Variants in ADAD1 observed in about 807,000 individuals in gnomAD.
The protein encoded by ADAD1 is adenosine deaminase domain-containing protein 1.
ADAD1 carries 46 observed loss-of-function variants against 66.8 expected under a neutral mutation model. That is an observed-to-expected ratio of 0.69 (90% CI 0.54 to 0.88). The LOEUF (loss-of-function observed/expected upper bound fraction) is 0.88. ADAD1 is among the 40% of genes least tolerant of loss of function. The probability of loss-of-function intolerance (pLI) is 0.00; values close to 1 mark genes in which losing one functional copy is unlikely to be tolerated. For missense variants in ADAD1, 617 were observed against 681.8 expected (o/e 0.91, Z 1.06); for synonymous variants, 248 against 229.4 (o/e 1.08, Z -0.73).
intron 5 of ADAD1, among the ~76,000 whole-genome samples, chr4:122,384,310 C>T (rs187637861): frequency 1.2e-3 from 189 of 152,144 alleles, no homozygotes; most frequent in African/African-American, 4.3e-3. Flanking sequence ...TTAAATGCAG[C>T]GTTTGTGAAG....
chr4:122,410,247 C>T (rs1796408945), intron 8 of ADAD1, among the ~76,000 whole-genome samples: 1 of 152,114 alleles, frequency 6.6e-6, no homozygotes. Flanking sequence ...TTGCCCTCCA[C>T]CCCTCTTGGT....
chr4:122,423,007 G>A (rs963669081), intron 12 of ADAD1, among the ~76,000 whole-genome samples: 1 of 148,670 alleles, frequency 6.7e-6, no homozygotes, highest in African/African-American at 2.5e-5. Flanking sequence ...AGGAAAAACT[G>A]CTATTACTTT....
At chr4:122,396,027 A>G (rs1795694083) in intron 6 of ADAD1, among the ~76,000 whole-genome samples, 2 of 152,224 alleles carry the variant, frequency 1.3e-5, no homozygotes, top group African/African-American at 4.8e-5. Context: ...GTCTGCTAGT[A>G]TGTAATACTG....
At chr4:122,401,737 A>G (rs572487830) in intron 7 of ADAD1, among the ~76,000 whole-genome samples, 2 of 152,224 alleles carry the variant, frequency 1.3e-5, no homozygotes, top group African/African-American at 4.8e-5. Flanking sequence ...TCCTTTTATC[A>G]TTATATGATG....
chr4:122,415,038 T>C (rs1796663279), intron 10 of ADAD1, among the ~76,000 whole-genome samples: 1 of 152,136 alleles, frequency 6.6e-6, no homozygotes. Context: ...GAAATCAGCA[T>C]ACAATGCGGT....
chr4:122,405,889 T>C (rs938850546), intron 7 of ADAD1, among the ~76,000 whole-genome samples: 1 of 152,180 alleles, frequency 6.6e-6, no homozygotes, highest in Admixed American at 6.5e-5. Context: ...GGTTCATTCA[T>C]ATTGTTGAAA....
At chr4:122,386,510 C>A (rs911702772) in intron 5 of ADAD1, among the ~76,000 whole-genome samples, 10 of 152,016 alleles carry the variant, frequency 6.6e-5, no homozygotes, top group Admixed American at 5.9e-4. Flanking sequence ...ATCACAGTTT[C>A]TTTTGCTGTG....
intron 4 of ADAD1, among the ~76,000 whole-genome samples, chr4:122,383,050 C>G (rs568287385): frequency 1.3e-5 from 2 of 152,240 alleles, no homozygotes; most frequent in African/African-American, 2.4e-5. Context: ...AGTCTAAATA[C>G]TAACAAGCAA....
At chr4:122,417,797 A>C (rs143765983) in intron 11 of ADAD1, among the ~76,000 whole-genome samples, 17 of 152,340 alleles carry the variant, frequency 1.1e-4, no homozygotes, top group Non-Finnish European at 1.6e-4. Context: ...AGTAGAAGCA[A>C]TGTAGACATA....
intron 4 of ADAD1, among the ~76,000 whole-genome samples, chr4:122,381,458 T>C (rs2150525702): frequency 6.6e-6 from 1 of 152,322 alleles, no homozygotes; most frequent in African/African-American, 2.4e-5. Flanking sequence ...TGTAATTACT[T>C]CCTGTATCAT....
chr4:122,419,475 C>G (rs112313086), intron 11 of ADAD1, among the ~76,000 whole-genome samples: 11 of 152,096 alleles, frequency 7.2e-5, no homozygotes, highest in Admixed American at 5.9e-4. Context: ...CAACAAACCC[C>G]CATGACACAC....
chr4:122,386,830 A>G (rs1795196931), intron 5 of ADAD1, among the ~76,000 whole-genome samples: 1 of 152,172 alleles, frequency 6.6e-6, no homozygotes, highest in African/African-American at 2.4e-5. Context: ...CAGTTTGTTG[A>G]AGATCAGATG....
rs1796474568 is a variant in ADAD1 at position 122,411,724 on chromosome 4, A to G, written c.1019+332A>G. 3.3e-5 allele frequency among the ~76,000 whole-genome samples: 5 copies of G among 152,186 alleles called. No individual in the cohort carries two copies. In the South Asian group the frequency reaches 8.3e-4, roughly 25 times the overall value. On this transcript the variant is annotated intron_variant, in intron 9 of 12. Coordinates refer to ENST00000296513, the MANE Select transcript of ADAD1 (RefSeq NM_139243.4). ...ATTTTTGGATTTGTGTTCAACTGGT[A>G]TGTATAAAGCAAATATTCCAGTGTG...
chr4:122,421,178 A>G, intron 11 of ADAD1, 83 bp from the exon 12 acceptor site: 2 of 1,070,702 alleles, frequency 1.9e-6, no homozygotes, highest in Non-Finnish European at 2.5e-6. Flanking sequence ...TATTTTGTAG[A>G]TCCATATTGA....
chr4:122,388,862 T>C (rs1201707990), intron 5 of ADAD1, among the ~76,000 whole-genome samples: 1 of 152,184 alleles, frequency 6.6e-6, no homozygotes, highest in Non-Finnish European at 1.5e-5. Flanking sequence ...CATGTCTCTG[T>C]CTCCTTCAGT....
At chr4:122,426,858 G>T (rs1314783909) in intron 12 of ADAD1, among the ~76,000 whole-genome samples, 1 of 152,184 alleles carries the variant, frequency 6.6e-6, no homozygotes, top group Admixed American at 6.5e-5. Flanking sequence ...CATCAATGAA[G>T]AGCCTACCAT....
rs567502029 is a variant in ADAD1, at chr4:122,412,725, T to C, written c.1165T>C (p.Leu389=). ...RISSMSSSDK[L]TRWEVLGVQG... ...AAGCAGTATGTCCTCAAGTGACAAA[T>C]TGACCAGATGGGAAGTGCTTGGTGT... The change falls in exon 10 of 13, where the codon TTG becomes CTG. Residue 389 remains leucine (L), a synonymous_variant. Transcript: ENST00000296513. The C allele has an allele frequency of 1.9e-6, 3 of 1,613,836 alleles. No homozygotes were observed. Among genetic ancestry groups the C allele is most frequent in the South Asian group, 2.2e-5 (2 of 91,082 alleles).
chr4:122,387,429 AG>A lies in ADAD1; in HGVS notation c.529+3464del, dbSNP rs143918843. ...GCTGAAGTTGCTTATCAATTCAGGA[AG>A]TTTTGGGGCTGAAAAGATGGGGTTT... On this transcript the variant is annotated intron_variant, in intron 5 of 12. Coordinates refer to ENST00000296513, the MANE Select transcript of ADAD1 (RefSeq NM_139243.4). Among the ~76,000 whole-genome samples, 1,065 of 152,258 alleles carry A rather than the reference AG, an allele frequency of 7.0e-3. 8 individuals are homozygous for A. Among genetic ancestry groups the A allele is most frequent in the African/African-American group, 0.024 (1,011 of 41,558 alleles).
intron 7 of ADAD1, among the ~76,000 whole-genome samples, chr4:122,402,323 C>G (rs539283813): frequency 6.6e-6 from 1 of 152,216 alleles, no homozygotes; most frequent in East Asian, 1.9e-4. Flanking sequence ...AGGTAAGACC[C>G]CAATCCCTTC....
Sources: allele counts gnomAD v4.1 joint callset (sites outside exome capture counted in the v4.1 genomes callset), GRCh38; gene constraint gnomAD v4.1.1; transcripts MANE v1.5; gene names NCBI Gene and HGNC (gene_info 2026-07-23, HGNC 2026-07-21).